BCL2L13: variants seen among roughly 807,000 people sequenced by gnomAD.
BCL2L13 encodes the protein BCL2 like 13.
A neutral mutation model predicts 25.8 loss-of-function variants in BCL2L13; 13 were observed. The ratio of observed to expected loss-of-function variants is 0.50; its 90% CI spans 0.33 to 0.80. The LOEUF (loss-of-function observed/expected upper bound fraction) is 0.80. Among genes scored for constraint, BCL2L13 ranks in the 30% least tolerant of loss-of-function variants. The pLI is 0.02. For synonymous variants in BCL2L13, 244 were observed against 230.3 expected (o/e 1.06, Z -0.54); for missense variants, 504 against 574.9 (o/e 0.88, Z 1.26).
At chr22:17,639,478 T>C (rs2058189914) in intron 1 of BCL2L13, among the ~76,000 whole-genome samples, 1 of 152,232 alleles carries the variant, frequency 6.6e-6, no homozygotes, top group African/African-American at 2.4e-5. Context: ...CCCAACATTC[T>C]GTAAAGATCC....
At chr22:17,631,468 G>T (rs2146337342) in intron 1 of BCL2L13, among the ~76,000 whole-genome samples, 1 of 151,408 alleles carries the variant, frequency 6.6e-6, no homozygotes, top group Non-Finnish European at 1.5e-5. Flanking sequence ...CTACATGTGT[G>T]ATATTGTGTC....
chr22:17,641,557 A>G (rs1333654176), intron 1 of BCL2L13, among the ~76,000 whole-genome samples: 1 of 152,154 alleles, frequency 6.6e-6, no homozygotes, highest in African/African-American at 2.4e-5. Flanking sequence ...TTATTGACAT[A>G]TAATTAACGT....
At chr22:17,677,926 G>T (rs1171908786) in intron 2 of BCL2L13, among the ~76,000 whole-genome samples, 1 of 152,076 alleles carries the variant, frequency 6.6e-6, no homozygotes, top group East Asian at 1.9e-4. Flanking sequence ...TGTACCTGTA[G>T]TGCCAGCTAC....
intron 6 of BCL2L13, among the ~76,000 whole-genome samples, chr22:17,704,730 G>A (rs1469099823): frequency 1.3e-5 from 2 of 152,070 alleles, no homozygotes; most frequent in African/African-American, 4.8e-5. Context: ...CAGCTCTGGG[G>A]GAATAAGGGC....
At chr22:17,700,508 A>T (rs1180857125) in intron 5 of BCL2L13, among the ~76,000 whole-genome samples, 4 of 152,202 alleles carry the variant, frequency 2.6e-5, no homozygotes, top group African/African-American at 9.7e-5. Flanking sequence ...ATTATTGTGG[A>T]TTATTATGGG....
At chr22:17,722,376 GGGGTGTGTGTGTGTGTGTGTGTGTGT>G (rs2061165969) in intron 6 of BCL2L13, among the ~76,000 whole-genome samples, 1 of 67,894 alleles carries the variant, frequency 1.5e-5, no homozygotes, top group Non-Finnish European at 3.8e-5. Context: ...TGAGACTACA[GGGGTGTGTGTGTGTGTGTGTGTGTGT>G]GTGTGTGTGT....
At chr22:17,675,458 T>C (rs542030553) in intron 2 of BCL2L13, among the ~76,000 whole-genome samples, 199 of 152,300 alleles carry the variant, frequency 1.3e-3, no homozygotes, top group Non-Finnish European at 1.8e-3. Context: ...ATGATAGATA[T>C]TAAGTTAGAA....
chr22:17,632,076 T>A (rs1288743637), intron 1 of BCL2L13, among the ~76,000 whole-genome samples: 1 of 152,130 alleles, frequency 6.6e-6, no homozygotes, highest in Non-Finnish European at 1.5e-5. Flanking sequence ...CCATTTGTAC[T>A]AGTGTACAAT....
intron 2 of BCL2L13, among the ~76,000 whole-genome samples, chr22:17,677,589 C>T (rs1301693741): frequency 6.6e-6 from 1 of 152,204 alleles, no homozygotes; most frequent in Admixed American, 6.5e-5. Context: ...AAAAACCCCA[C>T]ACAGCTGGGC....
chr22:17,688,840 T>C, intron 3 of BCL2L13, 146 bp from the exon 4 acceptor site: 1 of 525,868 alleles, frequency 1.9e-6, no homozygotes, highest in Non-Finnish European at 2.9e-6. Flanking sequence ...TGATCTTGGC[T>C]CACCACAACC....
Position 17,685,776 on chromosome 22 carries a change from T to C in BCL2L13, c.229+2455T>C, listed in dbSNP as rs1168122388. The stretch of plus-strand genomic sequence containing the variant: ...TTTCTTTTTCTTTTTTTTTTTTTTT[T>C]TTTTTTTTTTTTTGAGACAAAGTCT... On this transcript the variant is annotated intron_variant, in intron 3 of 6. Transcript: ENST00000317582. Among the ~76,000 whole-genome samples the C allele has an allele frequency of 2.4e-3, 277 of 115,318 alleles. 6 individuals carry two copies. Among genetic ancestry groups the C allele is most frequent in the African/African-American group, 8.6e-3 (271 of 31,478 alleles). 75.7% of individuals were successfully genotyped at this position (115,318 alleles called of 152,430 possible). A position where few individuals can be genotyped will look rare whatever the true frequency, so the allele number is the denominator to read the frequency against.
intron 5 of BCL2L13, 99 bp downstream of exon 5, chr22:17,696,309 T>C (rs150264494): frequency 9.9e-7 from 1 of 1,005,150 alleles, no homozygotes; most frequent in Non-Finnish European, 1.5e-6. Context: ...CTGTTAGAGC[T>C]CATTCTTTAA....
At chr22:17,718,602 C>A (rs1265081245) in intron 6 of BCL2L13, among the ~76,000 whole-genome samples, 1 of 152,116 alleles carries the variant, frequency 6.6e-6, no homozygotes, top group Non-Finnish European at 1.5e-5. Context: ...GAGATGAAAT[C>A]CCGTAAGATT....
chr22:17,700,958 G>T (rs77705734), intron 5 of BCL2L13, among the ~76,000 whole-genome samples: 3,620 of 152,142 alleles, frequency 0.024, 138 homozygotes, highest in African/African-American at 0.084. Flanking sequence ...TATTTCCTTG[G>T]CAGTCTACTA....
At chr22:17,726,456 C>T (rs1439100218) in intron 6 of BCL2L13, among the ~76,000 whole-genome samples, 1 of 151,440 alleles carries the variant, frequency 6.6e-6, no homozygotes, top group Non-Finnish European at 1.5e-5. Context: ...TGTATATTAA[C>T]TTAGGATTTT....
chr22:17,674,956 A>G (rs2059535226), intron 2 of BCL2L13, among the ~76,000 whole-genome samples: 1 of 152,172 alleles, frequency 6.6e-6, no homozygotes, highest in South Asian at 2.1e-4. Flanking sequence ...ACATGTCTAT[A>G]GTAGGAATAA....
At chr22:17,643,703 C>T (rs914531553) in intron 1 of BCL2L13, among the ~76,000 whole-genome samples, 5 of 152,092 alleles carry the variant, frequency 3.3e-5, no homozygotes, top group African/African-American at 1.2e-4. Flanking sequence ...TCTCGGCTCA[C>T]TGCACGCCCC....
rs545725587 is a variant in BCL2L13, at chr22:17,697,475, G to A, written c.456+1265G>A. On this transcript the variant is annotated intron_variant, in intron 5 of 6. Transcript: ENST00000317582. ...AAATTTCAACTTTTATTTTAGATTC[G>A]GGGGACATGTATGTGCAGGTTTGTT... Among the ~76,000 whole-genome samples the A allele has an allele frequency of 2.7e-3, 407 of 152,182 alleles. 3 individuals are homozygous for A. Among genetic ancestry groups the A allele is most frequent in the African/African-American group, 9.2e-3 (384 of 41,524 alleles).
intron 6 of BCL2L13, among the ~76,000 whole-genome samples, chr22:17,709,844 G>A (rs187070307): frequency 2.6e-5 from 4 of 151,948 alleles, no homozygotes; most frequent in African/African-American, 7.2e-5. Flanking sequence ...GGAGGCCGAG[G>A]CAGGCAGATT....
Sources: allele counts gnomAD v4.1 joint callset (sites outside exome capture counted in the v4.1 genomes callset), GRCh38; gene constraint gnomAD v4.1.1; transcripts MANE v1.5; gene names NCBI Gene and HGNC (gene_info 2026-07-23, HGNC 2026-07-21).